MICU1: variants seen among roughly 807,000 people sequenced by gnomAD.
The protein encoded by MICU1 is calcium uptake protein 1, mitochondrial.
In MICU1, 45 loss-of-function variants were observed where a neutral mutation model predicts 56.8. That is an observed-to-expected ratio of 0.79 (90% CI 0.62 to 1.02). MICU1 has a LOEUF of 1.02. Ranked by LOEUF, MICU1 falls within the 50% of genes least tolerant of loss-of-function variation. MICU1 has a pLI of 0.00. For missense variants in MICU1, 504 were observed against 587.1 expected, an observed-to-expected ratio of 0.86 and a Z score of 1.46; for synonymous variants, 186 against 195.1, an observed-to-expected ratio of 0.95 and a Z score of 0.39.
At chr10:72,474,626 G>A (rs536455948) in intron 8 of MICU1, among the ~76,000 whole-genome samples, 1 of 152,200 alleles carries the variant, frequency 6.6e-6, no homozygotes, top group South Asian at 2.1e-4. Flanking sequence ...CGGGTAGCTG[G>A]GACTATGGGT....
chr10:72,569,221 A>ATTT (rs1840530007), intron 1 of MICU1, among the ~76,000 whole-genome samples: 1 of 38,480 alleles, frequency 2.6e-5, no homozygotes, highest in African/African-American at 1.3e-4. Context: ...ATATATATAT[A>ATTT]TATATATATA....
intron 3 of MICU1, among the ~76,000 whole-genome samples, chr10:72,560,714 G>T (rs1840275250): frequency 6.6e-6 from 1 of 152,020 alleles, no homozygotes; most frequent in Non-Finnish European, 1.5e-5. Context: ...TACTGAAAAT[G>T]CAAAAGTTAG....
At chr10:72,429,066 A>T (rs975729403) in intron 8 of MICU1, among the ~76,000 whole-genome samples, 1 of 152,204 alleles carries the variant, frequency 6.6e-6, no homozygotes, top group Admixed American at 6.5e-5. Context: ...GTGTTGTTGT[A>T]AAGATTAAAT....
At chr10:72,376,939 G>A (rs7920137) in intron 10 of MICU1, among the ~76,000 whole-genome samples, 62,764 of 151,482 alleles carry the variant, frequency 0.41, 15,774 homozygotes, top group Non-Finnish European at 0.58. Flanking sequence ...AAGGAGGCTT[G>A]TCTGTGGTGT....
At position 72,518,947 on chromosome 10, in the gene MICU1, T is replaced by C. The variant is rs149413632; in HGVS notation, c.538-10678A>G. On this transcript the variant is annotated intron_variant, in intron 5 of 11. Coordinates refer to ENST00000361114, the MANE Select transcript of MICU1 (RefSeq NM_001195518.2). ...CTGCCCGTCTCGTCCTCCCAAAGTGTTGGGATTACAGGCGTGAGCCACTGC... is the reference window on the plus strand; with the variant it reads ...CTGCCCGTCTCGTCCTCCCAAAGTGCTGGGATTACAGGCGTGAGCCACTGC... Among the ~76,000 whole-genome samples, 475 of 152,212 alleles carry C rather than the reference T, an allele frequency of 3.1e-3. 3 individuals carry two copies. Among genetic ancestry groups the C allele is most frequent in the African/African-American group, 0.011 (449 of 41,542 alleles).
chr10:72,598,378 C>A (rs894830305), intron 1 of MICU1, among the ~76,000 whole-genome samples: 1 of 151,954 alleles, frequency 6.6e-6, no homozygotes, highest in African/African-American at 2.4e-5. Flanking sequence ...GCCTCAGCCT[C>A]CCAAGTAGCT....
chr10:72,583,569 C>T (rs142882956), intron 1 of MICU1, among the ~76,000 whole-genome samples: 1 of 152,208 alleles, frequency 6.6e-6, no homozygotes, highest in African/African-American at 2.4e-5. Context: ...TGAGCCACCT[C>T]GCCTGGCCTG....
chr10:72,513,457 T>C (rs1317834031), intron 5 of MICU1, among the ~76,000 whole-genome samples: 2 of 152,248 alleles, frequency 1.3e-5, no homozygotes, highest in Non-Finnish European at 2.9e-5. Flanking sequence ...TTCTGGATAT[T>C]AGATCCTTAT....
chr10:72,415,840 T>C (rs1039583690), intron 9 of MICU1, among the ~76,000 whole-genome samples: 2 of 152,222 alleles, frequency 1.3e-5, no homozygotes, highest in African/African-American at 2.4e-5. Flanking sequence ...AAGAAGGCTA[T>C]GGACTCTGGA....
intron 3 of MICU1, among the ~76,000 whole-genome samples, chr10:72,562,106 G>T (rs1457252181): frequency 6.7e-6 from 1 of 149,908 alleles, no homozygotes; most frequent in Non-Finnish European, 1.5e-5. Flanking sequence ...CTTCGCTGAG[G>T]CAAAGCTACA....
chr10:72,413,621 T>C (rs6415906), intron 9 of MICU1, among the ~76,000 whole-genome samples: 81,149 of 151,752 alleles, frequency 0.53, 22,909 homozygotes, highest in Non-Finnish European at 0.65. Flanking sequence ...GTAATCCCAG[T>C]GACTCAGGAG....
At chr10:72,390,651 AT>A (rs1177628958) in intron 10 of MICU1, among the ~76,000 whole-genome samples, 1 of 152,204 alleles carries the variant, frequency 6.6e-6, no homozygotes, top group Non-Finnish European at 1.5e-5. Context: ...GAAGGTGCCA[AT>A]TTCTGAAGGT....
chr10:72,600,289 T>C (rs1273495756), intron 1 of MICU1, among the ~76,000 whole-genome samples: 2 of 68,004 alleles, frequency 2.9e-5, no homozygotes, highest in East Asian at 2.6e-4. Context: ...TGAAACTCCA[T>C]CTCAAAAAAA....
chr10:72,519,021 C>T (rs924616275), intron 5 of MICU1, among the ~76,000 whole-genome samples: 1 of 152,138 alleles, frequency 6.6e-6, no homozygotes, highest in Non-Finnish European at 1.5e-5. Flanking sequence ...TTGCAGATAC[C>T]TTACAGAGCA....
At chr10:72,438,298 A>C (rs971488031) in intron 8 of MICU1, among the ~76,000 whole-genome samples, 1 of 152,230 alleles carries the variant, frequency 6.6e-6, no homozygotes, top group African/African-American at 2.4e-5. Flanking sequence ...CTGAATGACT[A>C]CTGGGTAAAT....
At chr10:72,393,760 TTTTG>T (rs112773811) in intron 10 of MICU1, among the ~76,000 whole-genome samples, 13 of 151,976 alleles carry the variant, frequency 8.6e-5, no homozygotes, top group African/African-American at 1.4e-4. Context: ...AAAGTACCTA[TTTTG>T]TTTGTTTGTT....
intron 10 of MICU1, among the ~76,000 whole-genome samples, chr10:72,395,855 G>C (rs1006368926): frequency 1.3e-5 from 2 of 152,234 alleles, no homozygotes; most frequent in Non-Finnish European, 2.9e-5. Context: ...GCAGGGCATA[G>C]CTGAACAAAA....
chr10:72,498,755 G>A (rs1010926529), intron 6 of MICU1, among the ~76,000 whole-genome samples: 2 of 152,116 alleles, frequency 1.3e-5, no homozygotes, highest in Non-Finnish European at 2.9e-5. Context: ...TTGATTCCAT[G>A]GAAAAGTCAC....
intron 8 of MICU1, among the ~76,000 whole-genome samples, chr10:72,458,804 G>T (rs531872462): frequency 1.3e-5 from 2 of 150,556 alleles, no homozygotes; most frequent in Non-Finnish European, 3.0e-5. Context: ...CAGACCTCCC[G>T]GACTCAATTG....
Sources: gnomAD v4.1 joint callset for allele counts (sites outside exome capture counted in the v4.1 genomes callset) on GRCh38, gnomAD v4.1.1 for gene constraint, MANE v1.5 for transcripts, NCBI Gene and HGNC (gene_info 2026-07-23, HGNC 2026-07-21) for gene names.